EPB41L4A: variants seen among roughly 807,000 people sequenced by gnomAD.
EPB41L4A encodes erythrocyte membrane protein band 4.1 like 4A, also known as band 4.1-like protein 4A.
EPB41L4A carries 100 observed loss-of-function variants against 108.6 expected under a neutral mutation model. The observed-to-expected ratio is 0.92, with a 90% CI of 0.78 to 1.09. The LOEUF is 1.09. Among genes scored for constraint, EPB41L4A ranks in the 50% least tolerant of loss-of-function variants. The pLI, the probability that EPB41L4A is intolerant of heterozygous loss-of-function variation, is 0.00. For missense variants in EPB41L4A, 1,030 were observed against 842.7 expected, an observed-to-expected ratio of 1.22 and a Z score of -2.75; for synonymous variants, 319 against 289.0, an observed-to-expected ratio of 1.10 and a Z score of -1.05.
intron 1 of EPB41L4A, among the ~76,000 whole-genome samples, chr5:112,309,193 T>C (rs1273118808): frequency 6.6e-6 from 1 of 152,228 alleles, no homozygotes; most frequent in Non-Finnish European, 1.5e-5. Flanking sequence ...ATCATTTCCC[T>C]GTTGATTTGA....
At chr5:112,203,829 G>A (rs1762334653) in intron 15 of EPB41L4A, among the ~76,000 whole-genome samples, 1 of 152,002 alleles carries the variant, frequency 6.6e-6, no homozygotes, top group Non-Finnish European at 1.5e-5. Flanking sequence ...ATCACCTGAG[G>A]TTGGGAGTTC....
intron 1 of EPB41L4A, among the ~76,000 whole-genome samples, chr5:112,402,180 G>A (rs1246758648): frequency 1.3e-5 from 2 of 152,098 alleles, no homozygotes; most frequent in Non-Finnish European, 2.9e-5. Context: ...AGTTCTCACT[G>A]GTTGTTTAAA....
chr5:112,280,327 T>G lies in EPB41L4A; in HGVS notation c.205-4A>C. ...TTTTTGCAGGATCCAGCCAATACTGTGTGAGGAAGAAAAGGACAATTAAAG... is the reference window on the plus strand; with the variant it reads ...TTTTTGCAGGATCCAGCCAATACTGGGTGAGGAAGAAAAGGACAATTAAAG... On this transcript the variant is annotated splice_region_variant and splice_polypyrimidine_tract_variant and intron_variant, in intron 2 of 22. Coordinates refer to ENST00000261486, the MANE Select transcript of EPB41L4A (RefSeq NM_022140.5). 6.2e-7 allele frequency: 1 copy of G among 1,613,580 alleles called. No individual in the cohort carries two copies. Among genetic ancestry groups the G allele is most frequent in the Non-Finnish European group, 8.5e-7 (1 of 1,179,524 alleles).
intron 1 of EPB41L4A, among the ~76,000 whole-genome samples, chr5:112,354,188 G>A (rs1453852280): frequency 1.3e-5 from 2 of 152,182 alleles, no homozygotes; most frequent in Non-Finnish European, 2.9e-5. Flanking sequence ...TTATAATAGT[G>A]CCTGGCACAT....
At chr5:112,411,932 G>T (rs1762434783) in intron 1 of EPB41L4A, among the ~76,000 whole-genome samples, 1 of 152,136 alleles carries the variant, frequency 6.6e-6, no homozygotes. Flanking sequence ...AGTCTCTCTG[G>T]GCTAGCTCAG....
chr5:112,146,867 A>G (rs942731184), intron 12 of EPB41L4A, among the ~76,000 whole-genome samples: 1 of 152,250 alleles, frequency 6.6e-6, no homozygotes, highest in Non-Finnish European at 1.5e-5. Flanking sequence ...ATTGGAATGC[A>G]TAAGATGTAA....
At chr5:112,222,706 G>C (rs191323930) in intron 12 of EPB41L4A, among the ~76,000 whole-genome samples, 2 of 152,268 alleles carry the variant, frequency 1.3e-5, no homozygotes, top group Non-Finnish European at 2.9e-5. Flanking sequence ...AGCCCCAAAA[G>C]GCTTGGTTGT....
intron 1 of EPB41L4A, among the ~76,000 whole-genome samples, chr5:112,418,337 G>A (rs1762838161): frequency 6.6e-6 from 1 of 152,178 alleles, no homozygotes; most frequent in East Asian, 1.9e-4. Flanking sequence ...GCATTTTAAT[G>A]ACCCACAAAC....
chr5:112,359,359 A>C (rs1004368865), intron 1 of EPB41L4A, among the ~76,000 whole-genome samples: 10 of 152,204 alleles, frequency 6.6e-5, no homozygotes, highest in African/African-American at 2.4e-4. Flanking sequence ...AACTGAGAGA[A>C]ACTGCCTAGC....
chr5:112,295,242 G>A (rs1028294323), intron 2 of EPB41L4A, among the ~76,000 whole-genome samples: 2 of 152,166 alleles, frequency 1.3e-5, no homozygotes, highest in African/African-American at 4.8e-5. Context: ...ATGAGGAGAG[G>A]TGAGATGATG....
intron 1 of EPB41L4A, among the ~76,000 whole-genome samples, chr5:112,312,734 T>C (rs531594188): frequency 1.1e-3 from 162 of 152,346 alleles, no homozygotes; most frequent in Non-Finnish European, 2.1e-3. Context: ...CCTCTTCCAA[T>C]AACCCTTTGC....
chr5:112,152,207 CA>C (rs1168820480), intron 12 of EPB41L4A, among the ~76,000 whole-genome samples: 1 of 148,306 alleles, frequency 6.7e-6, no homozygotes, highest in Non-Finnish European at 1.5e-5. Flanking sequence ...GAAAAAAAAA[CA>C]TAGAAGAAAG....
At chr5:112,290,173 A>G (rs1163772874) in intron 2 of EPB41L4A, among the ~76,000 whole-genome samples, 3 of 147,300 alleles carry the variant, frequency 2.0e-5, no homozygotes, top group Non-Finnish European at 4.5e-5. Context: ...CCACAAAGAC[A>G]TCATACAAAC....
chr5:112,143,669 C>T (rs1295877736), exon 14 of EPB41L4A: 3 of 254,492 alleles, frequency 1.2e-5, no homozygotes, highest in South Asian at 3.7e-5. Flanking sequence ...CAGCCATCCT[C>T]AGCTATTCTT....
chr5:112,333,158 C>T lies in EPB41L4A; in HGVS notation c.100-25668G>A, dbSNP rs143615184. 3.2e-3 allele frequency among the ~76,000 whole-genome samples: 486 copies of T among 152,206 alleles called. 2 individuals are homozygous for T. The highest frequency in any genetic ancestry group is 0.011 in the African/African-American group (466 of 41,524). On this transcript the variant is annotated intron_variant, in intron 1 of 22. Coordinates refer to ENST00000261486, the MANE Select transcript of EPB41L4A (RefSeq NM_022140.5). ...CTCTATCGGTTTAAAATGGAGGCACCCAAAGGGCTTAGAGCAGATCACAGT... is the reference window on the plus strand; with the variant it reads ...CTCTATCGGTTTAAAATGGAGGCACTCAAAGGGCTTAGAGCAGATCACAGT...
chr5:112,364,014 T>A, intron 1 of EPB41L4A, among the ~76,000 whole-genome samples: 1 of 114,542 alleles, frequency 8.7e-6, no homozygotes, highest in East Asian at 2.4e-4. Context: ...TTTGCTTTCA[T>A]TCATTTATTC....
chr5:112,290,292 A>C (rs1308256159), intron 2 of EPB41L4A, among the ~76,000 whole-genome samples: 1 of 152,164 alleles, frequency 6.6e-6, no homozygotes, highest in East Asian at 1.9e-4. Context: ...CTAGGGACCT[A>C]CTATTATATG....
chr5:112,213,401 T>G (rs1747366866), intron 12 of EPB41L4A, among the ~76,000 whole-genome samples: 1 of 151,110 alleles, frequency 6.6e-6, no homozygotes, highest in Non-Finnish European at 1.5e-5. Flanking sequence ...CAGGCTGGAG[T>G]GCAGTGGCAC....
At chr5:112,188,650 G>A (rs1414153808) in intron 17 of EPB41L4A, among the ~76,000 whole-genome samples, 2 of 152,068 alleles carry the variant, frequency 1.3e-5, no homozygotes, top group East Asian at 1.9e-4. Flanking sequence ...TCTGCAGTAC[G>A]GTGAACACTG....
Sources: allele counts gnomAD v4.1 joint callset (sites outside exome capture counted in the v4.1 genomes callset), GRCh38; gene constraint gnomAD v4.1.1; transcripts MANE v1.5; gene names NCBI Gene and HGNC (gene_info 2026-07-23, HGNC 2026-07-21).